The following TAF1 variants were observed in gnomAD, a reference collection of about 807,000 sequenced individuals.
The protein encoded by TAF1 is transcription initiation factor TFIID subunit 1.
Under a neutral mutation model 138.5 loss-of-function variants are expected in TAF1, and 2 were observed. The ratio of observed to expected loss-of-function variants is 0.01; its 90% CI spans 0.01 to 0.05. The LOEUF is 0.05. Among genes scored for constraint, TAF1 ranks in the 10% least tolerant of loss-of-function variants. TAF1 has a pLI of 1.00. For synonymous variants in TAF1, 437 were observed against 503.2 expected (o/e 0.87, Z 1.76); for missense variants, 709 against 1,478.0 (o/e 0.48, Z 8.53).
At chrX:71,398,135 C>T (rs1263814812) in intron 23 of TAF1, among the ~76,000 whole-genome samples, 4 of 110,571 alleles carry the variant, frequency 3.6e-5, no homozygotes, top group African/African-American at 1.3e-4. Context: ...GTCAGGAGTT[C>T]GAGACCAGCC....
rs1323318196 is a variant in TAF1 at position 71,465,821 on chromosome X, G to C, written c.*1775G>C. On this transcript the variant is annotated 3_prime_UTR_variant, in exon 38 of 38. Transcript: ENST00000423759. ...TATATATATACTTGTGTATGCAAAG[G>C]TAAAAGTCTGAAAGGATATATGCTA... The C allele has an allele frequency of 8.9e-6, 1 of 112,061 alleles. No homozygotes were observed. Among genetic ancestry groups the C allele is most frequent in the African/African-American group, 3.2e-5 (1 of 30,846 alleles). 9.2% of individuals were successfully genotyped at this position (112,061 alleles called of 1,213,427 possible).
At chrX:71,513,743 A>T (rs2039773614) in intron 13 of TAF1, among the ~76,000 whole-genome samples, 1 of 111,590 alleles carries the variant, frequency 9.0e-6, no homozygotes, top group Non-Finnish European at 1.9e-5. Context: ...TAAATTAGCC[A>T]GGTGAGGTGG....
chrX:71,454,720 T>A lies in TAF1; in HGVS notation c.4822-21T>A, dbSNP rs1312957835. 5.1e-6 allele frequency: 6 copies of A among 1,176,848 alleles called. No individual in the cohort carries two copies. In the East Asian group the frequency reaches 1.5e-4, roughly 29 times the overall value. On this transcript the variant is annotated intron_variant, in intron 33 of 37. Coordinates refer to ENST00000423759, the MANE Select transcript of TAF1 (RefSeq NM_004606.5). The stretch of plus-strand genomic sequence containing the variant: ...GTACTTAAAATACATGTTGAATGAA[T>A]TTATTTTCTTTGTTTCTCAGTATGA...
chrX:71,504,054 A>G (rs2039572450), intron 13 of TAF1, among the ~76,000 whole-genome samples: 1 of 110,615 alleles, frequency 9.0e-6, no homozygotes, highest in African/African-American at 3.3e-5. Flanking sequence ...ATCTGTTGAA[A>G]GGCCTTAAGA....
rs377369666 is a variant in TAF1, at chrX:71,459,723, T to C, written c.5221+15T>C. The C allele has an allele frequency of 4.1e-6, 5 of 1,207,201 alleles. No individual in the cohort carries two copies. Among genetic ancestry groups the C allele is most frequent in the Non-Finnish European group, 5.6e-6 (5 of 893,844 alleles). On this transcript the variant is annotated intron_variant, in intron 36 of 37. Coordinates refer to ENST00000423759, the MANE Select transcript of TAF1 (RefSeq NM_004606.5). ...TCCTTTCTCTGGTAGGCCTCAACCA[T>C]TGCTTCTATTCCTTTATAACTCACT...
chrX:71,470,836 C>CAAAAT (rs759592361), downstream of TAF1, among the ~76,000 whole-genome samples: 7 of 105,940 alleles, frequency 6.6e-5, no homozygotes, highest in South Asian at 8.6e-4. Flanking sequence ...AAAAATAACA[C>CAAAAT]AAAATAAAAT....
chrX:71,419,939 C>G (rs769985394), intron 28 of TAF1: 6 of 219,870 alleles, frequency 2.7e-5, no homozygotes, highest in South Asian at 1.4e-4. Context: ...GATTCTCCCC[C>G]CCTTCCACAG....
At chrX:71,507,373 G>C (rs772193032) in intron 13 of TAF1, among the ~76,000 whole-genome samples, 1 of 110,711 alleles carries the variant, frequency 9.0e-6, no homozygotes, top group Non-Finnish European at 1.9e-5. Context: ...TGGGACTACA[G>C]GTGTACCCCA....
chrX:71,368,050 A>G lies in TAF1; in HGVS notation c.236-4A>G, dbSNP rs764782031. On this transcript the variant is annotated splice_region_variant and splice_polypyrimidine_tract_variant and intron_variant, in intron 2 of 37. Transcript: ENST00000423759. ...TGTTGCGATTCTCCCTGCTTTTTTC[A>G]TAGGGTGGGTTAGGAGTACAGAAGA... 17 of 1,207,232 alleles carry G rather than the reference A, an allele frequency of 1.4e-5. No homozygotes were observed. The highest frequency in any genetic ancestry group is 1.8e-5 in the Non-Finnish European group (16 of 893,281).
chrX:71,397,147 A>G, intron 22 of TAF1, 106 bp from the exon 23 acceptor site: 1 of 839,908 alleles, frequency 1.2e-6, no homozygotes, highest in South Asian at 2.4e-5. Flanking sequence ...TTGTAGAACC[A>G]TAGTTTTGTG....
intron 13 of TAF1, chrX:71,528,306 G>T: frequency 3.6e-6 from 1 of 278,719 alleles, no homozygotes; most frequent in Non-Finnish European, 6.8e-6. Flanking sequence ...TGTAAGGCTT[G>T]TCACAACCAT....
intron 13 of TAF1, among the ~76,000 whole-genome samples, chrX:71,495,492 C>T (rs765552060): frequency 1.8e-5 from 2 of 111,543 alleles, no homozygotes; most frequent in Admixed American, 9.6e-5. Context: ...TTCCCGTAAA[C>T]GCCAGGCAGC....
At chrX:71,367,423 A>G in intron 1 of TAF1, 76 bp from the exon 2 acceptor site, 1 of 1,112,194 alleles carries the variant, frequency 9.0e-7, no homozygotes, top group Non-Finnish European at 1.2e-6. Context: ...TTTGTCGTGG[A>G]CCAGGGAAAT....
At chrX:71,417,440 T>C (rs1281973020) in intron 28 of TAF1, among the ~76,000 whole-genome samples, 2 of 111,166 alleles carry the variant, frequency 1.8e-5, no homozygotes, top group African/African-American at 6.5e-5. Context: ...TAATGCAGTC[T>C]CAGTATCCCT....
chrX:71,445,824 G>A (rs180940433), intron 32 of TAF1, among the ~76,000 whole-genome samples: 3 of 111,138 alleles, frequency 2.7e-5, no homozygotes, highest in African/African-American at 9.8e-5. Context: ...TTCTTAGCAT[G>A]GATGTATGTA....
In TAF1 at chrX:71,383,000, C is replaced by T. The variant is rs2033990072; in HGVS notation, c.1783C>T (p.Pro595Ser). 2.5e-6 allele frequency: 3 copies of T among 1,206,793 alleles called. No individual in the cohort carries two copies. The highest frequency in any genetic ancestry group is 3.4e-6 in the Non-Finnish European group (3 of 893,931). ...CTATTTCCTGTTTTAGCATTCAATT[C>T]CTGCTGTGGAATTACGGCAGCCCTT... ...FGGNIIQHSI[P>S]AVELRQPFFP... The change falls in exon 12 of 38, where the codon CCT becomes TCT. Residue 595 changes from proline to serine, a missense_variant. Pro to Ser is a moderately conservative substitution (Grantham distance 74). Coordinates refer to ENST00000423759, the MANE Select transcript of TAF1 (RefSeq NM_004606.5).
chrX:71,391,768 AG>A (rs1234765285), intron 18 of TAF1, among the ~76,000 whole-genome samples: 1 of 108,311 alleles, frequency 9.2e-6, no homozygotes, highest in Non-Finnish European at 1.9e-5. Flanking sequence ...CTGGGACTAT[AG>A]GTGTGCGCCA....
rs1033044460 is a variant in TAF1 at position 71,488,237 on chromosome X, T to C, written c.1366+27434T>C. The stretch of plus-strand genomic sequence containing the variant: ...GGTTCTTCCCTTAGCTTTAGGTGGT[T>C]TCTTTTTTTTTTTTTTTTTTTTTTG... On this transcript the variant is annotated intron_variant and NMD_transcript_variant, in intron 13 of 14. Coordinates refer to the TAF1 transcript ENST00000373775. 1.2e-4 allele frequency among the ~76,000 whole-genome samples: 12 copies of C among 104,231 alleles called. 1 individual carries two copies. Among genetic ancestry groups the C allele is most frequent in the African/African-American group, 4.4e-4 (12 of 27,046 alleles). 90.5% of individuals were successfully genotyped at this position (104,231 alleles called of 115,157 possible).
At chrX:71,524,673 T>C (rs765839440) in intron 13 of TAF1, among the ~76,000 whole-genome samples, 1,317 of 107,267 alleles carry the variant, frequency 0.012, 21 homozygotes, top group African/African-American at 0.042. Context: ...CTGGGTGTGG[T>C]GGCTCACGCC....
Sources: allele counts gnomAD v4.1 joint callset (sites outside exome capture counted in the v4.1 genomes callset), GRCh38; gene constraint gnomAD v4.1.1; transcripts MANE v1.5; gene names NCBI Gene and HGNC (gene_info 2026-07-23, HGNC 2026-07-21).